The following PRKAR2A variants were observed in gnomAD, a reference collection of about 807,000 sequenced individuals.
The protein encoded by PRKAR2A is protein kinase cAMP-dependent type II regulatory subunit alpha.
In PRKAR2A, 29 loss-of-function variants were observed where a neutral mutation model predicts 51.9. The ratio of observed to expected loss-of-function variants is 0.56; its 90% CI spans 0.42 to 0.76. The LOEUF (loss-of-function observed/expected upper bound fraction) is 0.76. Among genes scored for constraint, PRKAR2A ranks in the 30% least tolerant of loss-of-function variants. The pLI is 0.00. For missense variants in PRKAR2A, 445 were observed against 512.1 expected (o/e 0.87, Z 1.26); for synonymous variants, 178 against 186.2 (o/e 0.96, Z 0.36).
At chr3:48,803,411 T>C (rs1242728760) in intron 2 of PRKAR2A, among the ~76,000 whole-genome samples, 1 of 152,038 alleles carries the variant, frequency 6.6e-6, no homozygotes, top group African/African-American at 2.4e-5. Flanking sequence ...GGAGACACTG[T>C]CTTTCTTATT....
At chr3:48,777,530 C>T (rs879757555) in intron 5 of PRKAR2A, among the ~76,000 whole-genome samples, 1 of 152,062 alleles carries the variant, frequency 6.6e-6, no homozygotes, top group South Asian at 2.1e-4. Context: ...CTCAGCTTCC[C>T]GAGCAGCTGG....
At chr3:48,816,790 T>A (rs1483587093) in intron 1 of PRKAR2A, among the ~76,000 whole-genome samples, 1 of 152,168 alleles carries the variant, frequency 6.6e-6, no homozygotes, top group Non-Finnish European at 1.5e-5. Context: ...AGAGCAAGTT[T>A]ACCCACCCAA....
At chr3:48,815,615 C>G (rs1238271368) in intron 1 of PRKAR2A, among the ~76,000 whole-genome samples, 1 of 150,332 alleles carries the variant, frequency 6.7e-6, no homozygotes, top group African/African-American at 2.4e-5. Context: ...ATCGCTTGAA[C>G]CTGGGAGGCG....
At chr3:48,769,182 G>C (rs1315346225) in intron 6 of PRKAR2A, among the ~76,000 whole-genome samples, 18 of 106,604 alleles carry the variant, frequency 1.7e-4, no homozygotes, top group African/African-American at 7.1e-4. Context: ...TTTTGAGACA[G>C]AGTCTCGCTC....
At chr3:48,807,330 G>A (rs113383926) in intron 2 of PRKAR2A, among the ~76,000 whole-genome samples, 6 of 152,156 alleles carry the variant, frequency 3.9e-5, no homozygotes, top group African/African-American at 1.4e-4. Flanking sequence ...AAAGGTATAT[G>A]TAAGAGTTAA....
At chr3:48,801,970 T>C (rs1220528247) in intron 2 of PRKAR2A, among the ~76,000 whole-genome samples, 36 of 152,122 alleles carry the variant, frequency 2.4e-4, no homozygotes, top group African/African-American at 7.9e-4. Flanking sequence ...AGTGCAACAG[T>C]ACGATCTCGG....
intron 6 of PRKAR2A, 23 bp downstream of exon 6, chr3:48,772,932 G>A (rs774311909): frequency 1.7e-5 from 28 of 1,605,522 alleles, no homozygotes; most frequent in Non-Finnish European, 2.3e-5. Context: ...TGCCTTGCAA[G>A]GGGAACGATT....
Position 48,756,436 on chromosome 3 carries a change from C to T in PRKAR2A, c.882G>A (p.Lys294=). 1.2e-6 allele frequency: 2 copies of T among 1,613,614 alleles called. No individual in the cohort carries two copies. The highest frequency in any genetic ancestry group is 1.7e-6 in the Non-Finnish European group (2 of 1,179,630). Residue 294 remains lysine, a synonymous_variant, in exon 9 of 11, where the codon AAG becomes AAA. Coordinates refer to ENST00000265563, the MANE Select transcript of PRKAR2A (RefSeq NM_004157.4). ...ACTCTATGATGTAAAAGCTATCAGC[C>T]TTTTCACCCTGAAAGAAAAGAGAGG... ...DGERIITQGE[K]ADSFYIIESG... is the part of the protein sequence containing the mutation.
chr3:48,832,130 T>C (rs1378735587), intron 1 of PRKAR2A, among the ~76,000 whole-genome samples: 1 of 151,566 alleles, frequency 6.6e-6, no homozygotes, highest in East Asian at 2.0e-4. Context: ...TCCATCTCTA[T>C]TAAAAATACA....
intron 1 of PRKAR2A, among the ~76,000 whole-genome samples, chr3:48,814,109 G>A (rs1413066595): frequency 6.6e-6 from 1 of 152,162 alleles, no homozygotes; most frequent in Non-Finnish European, 1.5e-5. Context: ...TTAGCTAGGC[G>A]TGGTGTCTCG....
intron 1 of PRKAR2A, among the ~76,000 whole-genome samples, chr3:48,824,395 CA>C (rs997812088): frequency 2.8e-4 from 39 of 140,570 alleles, no homozygotes; most frequent in South Asian, 1.1e-3. Flanking sequence ...ACTCTGTCTC[CA>C]AAAAAAAAAG....
At chr3:48,787,259 C>A (rs1186212703) in intron 4 of PRKAR2A, among the ~76,000 whole-genome samples, 1 of 152,040 alleles carries the variant, frequency 6.6e-6, no homozygotes, top group Non-Finnish European at 1.5e-5. Context: ...GGTCTTAGCT[C>A]ACTGCAAACT....
chr3:48,831,601 G>A (rs778201956), intron 1 of PRKAR2A, among the ~76,000 whole-genome samples: 9 of 148,754 alleles, frequency 6.1e-5, no homozygotes, highest in Non-Finnish European at 8.9e-5. Context: ...GGCCTCAAGC[G>A]GATTGCCTCG....
chr3:48,746,197 CTG>C (rs2081559472), downstream of PRKAR2A, among the ~76,000 whole-genome samples: 2 of 151,920 alleles, frequency 1.3e-5, no homozygotes. Context: ...ACCTCCATAA[CTG>C]TGTGAGCCAA....
At chr3:48,819,745 C>T (rs748323521) in intron 1 of PRKAR2A, among the ~76,000 whole-genome samples, 1 of 152,096 alleles carries the variant, frequency 6.6e-6, no homozygotes, top group Non-Finnish European at 1.5e-5. Context: ...TTTTATCCTC[C>T]CCTGTCCCAG....
downstream of PRKAR2A, among the ~76,000 whole-genome samples, chr3:48,745,988 G>C (rs868574701): frequency 2.0e-5 from 3 of 152,126 alleles, no homozygotes; most frequent in Non-Finnish European, 4.4e-5. Context: ...TTTGAACTGG[G>C]ATGTTGTCTT....
rs1392604711 is a variant in PRKAR2A at position 48,751,396 on chromosome 3, G to C, written c.*189C>G. On this transcript the variant is annotated 3_prime_UTR_variant, in exon 11 of 11. Transcript: ENST00000265563. Reference sequence around the variant, plus strand: ...AATGGGCCTTCAGAAGCAAAGTGGAGGTGTGGGTTGAACCTCTGCCCATCC... The same window carrying C: ...AATGGGCCTTCAGAAGCAAAGTGGACGTGTGGGTTGAACCTCTGCCCATCC... The C allele has an allele frequency of 3.8e-6, 3 of 790,522 alleles. No individual in the cohort carries two copies. The East Asian group carries it at 8.1e-5, about 21-fold the overall frequency. The allele number at this position is 790,522 out of a possible 1,614,324, so 49.0% of individuals were successfully genotyped here. A position where few individuals can be genotyped will look rare whatever the true frequency, so the allele number is the denominator to read the frequency against.
At chr3:48,845,904 C>T (rs2083453747) in intron 1 of PRKAR2A, among the ~76,000 whole-genome samples, 1 of 151,640 alleles carries the variant, frequency 6.6e-6, no homozygotes, top group African/African-American at 2.4e-5. Flanking sequence ...CCTGATTGTG[C>T]CACTACACCC....
chr3:48,814,351 G>T (rs2082837498), intron 1 of PRKAR2A, among the ~76,000 whole-genome samples: 1 of 152,056 alleles, frequency 6.6e-6, no homozygotes, highest in East Asian at 1.9e-4. Context: ...CACGGAGGTG[G>T]AGGTTTCAGT....
Sources: allele counts gnomAD v4.1 joint callset (sites outside exome capture counted in the v4.1 genomes callset), GRCh38; gene constraint gnomAD v4.1.1; transcripts MANE v1.5; gene names NCBI Gene and HGNC (gene_info 2026-07-23, HGNC 2026-07-21).